The following LTF variants were observed in gnomAD, a reference collection of about 807,000 sequenced individuals.
LTF encodes the protein epididymis luminal protein 110.
LTF carries 91 observed loss-of-function variants against 87.2 expected under a neutral mutation model. The observed-to-expected ratio is 1.04, with a 90% CI of 0.88 to 1.24. The LOEUF is 1.24. Among genes scored for constraint, LTF ranks in the 50% most tolerant of loss-of-function variants. The pLI is 0.00. For synonymous variants in LTF, 378 were observed against 356.1 expected (o/e 1.06, Z -0.69); for missense variants, 901 against 904.3 (o/e 1.00, Z 0.05).
intron 1 of LTF, among the ~76,000 whole-genome samples, chr3:46,480,085 T>C (rs1703413756): frequency 6.6e-6 from 1 of 152,146 alleles, no homozygotes; most frequent in Admixed American, 6.5e-5. Context: ...CTAATCATGG[T>C]AAGACTGACA....
chr3:46,474,427 C>T (rs922937888), intron 1 of LTF, among the ~76,000 whole-genome samples: 2 of 152,012 alleles, frequency 1.3e-5, no homozygotes, highest in South Asian at 4.2e-4. Context: ...CCTAAATGTA[C>T]CCATCAAAAA....
chr3:46,443,611 T>C, intron 12 of LTF, 29 bp from the exon 13 acceptor site: 1 of 1,612,762 alleles, frequency 6.2e-7, no homozygotes, highest in East Asian at 2.2e-5. Context: ...GGGAGTCAGC[T>C]CTTCAAACCT....
chr3:46,450,430 A>T, intron 7 of LTF, 65 bp downstream of exon 7: 1 of 1,519,868 alleles, frequency 6.6e-7, no homozygotes, highest in South Asian at 1.2e-5. Flanking sequence ...AAGTCAGGGA[A>T]GTAAGAAACC....
intron 6 of LTF, 64 bp from the exon 7 acceptor site, chr3:46,450,737 T>C (rs893207333): frequency 7.3e-7 from 1 of 1,367,972 alleles, no homozygotes; most frequent in African/African-American, 1.4e-5. Flanking sequence ...CCTCGAGCTA[T>C]AGTTCCCCTT....
At chr3:46,468,217 T>C (rs1214095795), upstream of LTF, 5 of 456,668 alleles carry the variant, frequency 1.1e-5, no homozygotes, top group Non-Finnish European at 2.2e-5. Flanking sequence ...AGCCAGGCCA[T>C]GCCAAAGCCT....
chr3:46,440,686 A>G (rs1296262727), intron 14 of LTF, among the ~76,000 whole-genome samples: 1 of 152,216 alleles, frequency 6.6e-6, no homozygotes, highest in Non-Finnish European at 1.5e-5. Flanking sequence ...CAGAAGCAGA[A>G]GGGAGAAGTG....
At position 46,455,965 on chromosome 3, in the gene LTF, G is replaced by C. The variant is rs775531613; in HGVS notation, c.330C>G (p.His110Gln). 1 of 1,593,724 alleles carries C rather than the reference G, an allele frequency of 6.3e-7. No individual in the cohort carries two copies. The highest frequency in any genetic ancestry group is 2.2e-5 in the East Asian group (1 of 44,724). Residue 110 changes from histidine to glutamine, a missense_variant, in exon 4 of 17, where the codon CAC becomes CAG. Physicochemically the swap from His to Gln is conservative, Grantham distance 24. Coordinates refer to ENST00000231751, the MANE Select transcript of LTF (RefSeq NM_002343.6). ...TCTTCACCACAGCCACGGCATAATA[G>C]TGAGTTCGTGGCTCTGCAAAGGGGC... ...VYGTERQPRT[H>Q]YYAVAVVKKG...
At chr3:46,441,558 G>T in intron 13 of LTF, 75 bp from the exon 14 acceptor site, 1 of 1,081,934 alleles carries the variant, frequency 9.2e-7, no homozygotes, top group Non-Finnish European at 1.4e-6. Context: ...TTTGTAATAT[G>T]CATTCCAAAA....
intron 16 of LTF, 48 bp downstream of exon 16, chr3:46,437,892 C>T (rs773075709): frequency 6.5e-7 from 1 of 1,530,072 alleles, no homozygotes; most frequent in African/African-American, 1.4e-5. Flanking sequence ...CAAACCTTGA[C>T]CTTCACCCAT....
intron 1 of LTF, among the ~76,000 whole-genome samples, chr3:46,460,080 T>G (rs1404761177): frequency 6.6e-6 from 1 of 152,258 alleles, no homozygotes; most frequent in African/African-American, 2.4e-5. Context: ...CCTATGACTT[T>G]GACATGTTTC....
intron 16 of LTF, 100 bp from the exon 17 acceptor site, chr3:46,436,329 G>A: frequency 1.9e-6 from 2 of 1,078,660 alleles, no homozygotes; most frequent in South Asian, 2.6e-5. Flanking sequence ...AGTTTTCTCT[G>A]CCCTTCTCCC....
Position 46,443,461 on chromosome 3 carries a change from G to T in LTF, c.1635C>A (p.Tyr545Ter). Residue 545 changes from tyrosine (Y) to a stop codon, truncating the protein, a stop_gained, in exon 13 of 17, where the codon TAC (tyrosine) becomes TAA (stop). Transcript: ENST00000231751. LOFTEE classifies it high-confidence loss of function. Reference protein sequence around the residue: ...KCVPNSNERYYGYTGAFRCLA... With the variant: ...KCVPNSNERY ...CTCACCGGAAAGCCCCAGTGTAGCCGTAGTATCTCTCGTTGCTGTTGGGCA... is the reference window on the plus strand; with the variant it reads ...CTCACCGGAAAGCCCCAGTGTAGCCTTAGTATCTCTCGTTGCTGTTGGGCA... 6.2e-7 allele frequency: 1 copy of T among 1,614,208 alleles called. No homozygotes were observed. The highest frequency in any genetic ancestry group is 1.3e-5 in the African/African-American group (1 of 75,050).
intron 15 of LTF, among the ~76,000 whole-genome samples, 179 bp downstream of exon 15, chr3:46,439,117 C>T (rs747403023): frequency 6.6e-6 from 1 of 152,154 alleles, no homozygotes; most frequent in Non-Finnish European, 1.5e-5. Flanking sequence ...AGTCAAAAGC[C>T]TCTGTTGTTC....
At chr3:46,439,512 G>A (rs767454053) in intron 14 of LTF, 32 bp from the exon 15 acceptor site, 13 of 1,563,588 alleles carry the variant, frequency 8.3e-6, no homozygotes, top group East Asian at 6.7e-5. Flanking sequence ...CATCATCCAC[G>A]CCTCCCCTGC....
chr3:46,440,610 A>C (rs1043060400), intron 14 of LTF, among the ~76,000 whole-genome samples: 4 of 152,142 alleles, frequency 2.6e-5, no homozygotes, highest in Non-Finnish European at 5.9e-5. Context: ...CCTCTATTTG[A>C]TATTGAAATA....
Position 46,435,814 on chromosome 3 carries a change from A to G in LTF, c.*381T>C, listed in dbSNP as rs1423853653. On this transcript the variant is annotated 3_prime_UTR_variant, in exon 17 of 17. Transcript: ENST00000231751. ...ACTGAGACAGCTATGTGAATAACCA[A>G]CAAGATCCCCTTAGGAAAACCGGTG... is the stretch of plus-strand genomic sequence containing the variant. 3 of 278,766 alleles carry G rather than the reference A, an allele frequency of 1.1e-5. No homozygotes were observed. The highest frequency in any genetic ancestry group is 2.1e-5 in the Non-Finnish European group (3 of 144,842). The allele number at this position is 278,766 out of a possible 1,614,324, so 17.3% of individuals were successfully genotyped here. A position where few individuals can be genotyped will look rare whatever the true frequency, so the allele number is the denominator to read the frequency against.
chr3:46,481,763 C>G (rs758427046), intron 1 of LTF, among the ~76,000 whole-genome samples: 3 of 152,102 alleles, frequency 2.0e-5, no homozygotes, highest in Admixed American at 2.0e-4. Flanking sequence ...CAAAATAAAA[C>G]AAAACTAAAA....
At chr3:46,439,979 G>C (rs1175217802) in intron 14 of LTF, among the ~76,000 whole-genome samples, 1 of 150,984 alleles carries the variant, frequency 6.6e-6, no homozygotes. Flanking sequence ...CCAACCTATG[G>C]AGACAGAAAG....
Position 46,455,745 on chromosome 3 carries a change from T to A in LTF, c.499+51A>T, listed in dbSNP as rs761427332. The stretch of plus-strand genomic sequence containing the variant: ...GATCTGTGTGGCCTGTGCTTACAAC[T>A]GGAATAGAGCCCCCTGCCTGAGGCC... On this transcript the variant is annotated intron_variant, in intron 4 of 16. Coordinates refer to ENST00000231751, the MANE Select transcript of LTF (RefSeq NM_002343.6). 4.6e-6 allele frequency: 7 copies of A among 1,513,782 alleles called. No homozygotes were observed. The South Asian group carries it at 9.3e-5, about 20-fold the overall frequency. The allele number at this position is 1,513,782 out of a possible 1,614,324, so 93.8% of individuals were successfully genotyped here.
Sources: allele counts gnomAD v4.1 joint callset (sites outside exome capture counted in the v4.1 genomes callset), GRCh38; gene constraint gnomAD v4.1.1; transcripts MANE v1.5; gene names NCBI Gene and HGNC (gene_info 2026-07-23, HGNC 2026-07-21).